Variants in SKOR1 observed in about 807,000 individuals in gnomAD.
SKOR1 encodes the protein SKI family transcriptional corepressor 1.
Under a neutral mutation model 72.4 loss-of-function variants are expected in SKOR1, and 38 were observed. The ratio of observed to expected loss-of-function variants is 0.52; its 90% CI spans 0.40 to 0.69. SKOR1 has a LOEUF of 0.69. Among genes scored for constraint, SKOR1 ranks in the 30% least tolerant of loss-of-function variants. The pLI is 0.00. For synonymous variants in SKOR1, 642 were observed against 599.4 expected (o/e 1.07, Z -1.04); for missense variants, 1,320 against 1,343.2 (o/e 0.98, Z 0.27).
intron 4 of SKOR1, 68 bp downstream of exon 4, chr15:67,830,366 C>G: frequency 1.5e-6 from 2 of 1,367,948 alleles, no homozygotes; most frequent in East Asian, 2.3e-5. Context: ...CGCCCAGGTT[C>G]CCAGAGGCTT....
chr15:67,834,060 C>T lies in SKOR1; in HGVS notation c.*224C>T, dbSNP rs575389323. On this transcript the variant is annotated 3_prime_UTR_variant, in exon 9 of 9. Coordinates refer to ENST00000380035, the MANE Select transcript of SKOR1 (RefSeq NM_001365915.1). The surrounding 1 kb of genome is among the most constrained non-coding windows in gnomAD (Gnocchi z 5.8). ...GTTTCCAAGTGTAAATACCGCCTCG[C>T]GCCTCAAATCCCCCTACCCCGTGTG... 59 of 593,964 alleles carry T rather than the reference C, an allele frequency of 9.9e-5. No individual in the cohort carries two copies. Among genetic ancestry groups the T allele is most frequent in the Non-Finnish European group, 6.1e-6 (2 of 329,330 alleles). 36.8% of individuals were successfully genotyped at this position (593,964 alleles called of 1,614,324 possible). A position where few individuals can be genotyped will look rare whatever the true frequency, so the allele number is the denominator to read the frequency against.
chr15:67,831,813 C>T (rs4776988), intron 5 of SKOR1, among the ~76,000 whole-genome samples: 96,588 of 151,350 alleles, frequency 0.64, 31,481 homozygotes, highest in East Asian at 0.95. Flanking sequence ...CCTGAAATTG[C>T]AGGCAAACTG....
Position 67,825,722 on chromosome 15 carries a change from C to G in SKOR1, c.107+13C>G. 1 of 824,148 alleles carries G rather than the reference C, an allele frequency of 1.2e-6. No homozygotes were observed. The highest frequency in any genetic ancestry group is 2.1e-6 in the Non-Finnish European group (1 of 481,932). The allele number at this position is 824,148 out of a possible 1,614,324, so 51.1% of individuals were successfully genotyped here. Reference sequence around the variant, plus strand: ...GGGCATTCCTGAGGTCTCCTTTACCCCTTCTCCTCCCCCAAGCCCCGGGGG... The same window carrying G: ...GGGCATTCCTGAGGTCTCCTTTACCGCTTCTCCTCCCCCAAGCCCCGGGGG... On this transcript the variant is annotated intron_variant, in intron 1 of 8. Transcript: ENST00000380035. The surrounding 1 kb of genome is among the most constrained non-coding windows in gnomAD (Gnocchi z 5.6).
Position 67,833,689 on chromosome 15 carries a change from G to A in SKOR1, c.2804-53G>A. On this transcript the variant is annotated intron_variant, in intron 8 of 8. Transcript: ENST00000380035. This position sits in a 1 kb window ranked among gnomAD's most constrained non-coding sequence, Gnocchi z 6.0. ...GGGAGGGGAAAGGGTGGACTGCGCG[G>A]TGAGGTGAGCCTGGAGAGGCGCCCA... 1.3e-6 allele frequency: 2 copies of A among 1,567,712 alleles called. No individual in the cohort carries two copies. The highest frequency in any genetic ancestry group is 4.5e-5 in the East Asian group (2 of 44,598).
rs1412360615 is a variant in SKOR1, at chr15:67,834,284, A to G, written c.*448A>G. ...GACAAAGTGGCTATGTGCAATGGATATAAATGTACTGTGAGTCTCTCGGTT... is the reference window on the plus strand; with the variant it reads ...GACAAAGTGGCTATGTGCAATGGATGTAAATGTACTGTGAGTCTCTCGGTT... On this transcript the variant is annotated 3_prime_UTR_variant, in exon 9 of 9. Coordinates refer to ENST00000380035, the MANE Select transcript of SKOR1 (RefSeq NM_001365915.1). The surrounding 1 kb of genome is among the most constrained non-coding windows in gnomAD (Gnocchi z 5.8). 2 of 226,642 alleles carry G rather than the reference A, an allele frequency of 8.8e-6. No homozygotes were observed. The highest frequency in any genetic ancestry group is 4.4e-5 in the African/African-American group (2 of 45,234). The allele number at this position is 226,642 out of a possible 1,614,324, so 14.0% of individuals were successfully genotyped here. A position where few individuals can be genotyped will look rare whatever the true frequency, so the allele number is the denominator to read the frequency against.
intron 4 of SKOR1, among the ~76,000 whole-genome samples, 171 bp from the exon 5 acceptor site, chr15:67,830,647 C>G (rs1258552646): frequency 1.3e-5 from 2 of 152,160 alleles, no homozygotes; most frequent in Non-Finnish European, 2.9e-5. Context: ...CTCCTACTCT[C>G]TACTGTAATG....
At position 67,826,160 on chromosome 15, in the gene SKOR1, A is replaced by G. The variant is rs780072512; in HGVS notation, c.332A>G (p.Tyr111Cys). The G allele has an allele frequency of 1.2e-6, 2 of 1,610,966 alleles. No homozygotes were observed. The highest frequency in any genetic ancestry group is 1.7e-6 in the Non-Finnish European group (2 of 1,177,868). The change falls in exon 2 of 9, where the codon TAC becomes TGC. Residue 111 changes from tyrosine (Y) to cysteine (C), a missense_variant. This residue lies in a region of SKOR1 where 101 missense variants were observed against 212.8 expected (regional missense o/e 0.47). Coordinates refer to ENST00000380035, the MANE Select transcript of SKOR1 (RefSeq NM_001365915.1). ...ATCTCCAACACCCTCCTCAAGAACTACAGCTATAATGAGATCCACAACCGC... is the reference window on the plus strand; with the variant it reads ...ATCTCCAACACCCTCCTCAAGAACTGCAGCTATAATGAGATCCACAACCGC... ...AQISNTLLKN[Y>C]SYNEIHNRRV... is the part of the protein sequence containing the mutation.
rs1178678481 is a variant in SKOR1 at position 67,826,898 on chromosome 15, C to T, written c.1070C>T (p.Pro357Leu). ...GGCCTGGCGACTGGAGCTAGTGGCC[C>T]GGCGGGCCCAGGAGGGCCCGGTGGC... ...GLGLATGASGPAGPGGPGGGA... is the reference protein window; with the variant it reads ...GLGLATGASGLAGPGGPGGGA... The change falls in exon 2 of 9, where the codon CCG (proline) becomes CTG (leucine). Residue 357 changes from proline to leucine, a missense_variant. Transcript: ENST00000380035. 1.3e-6 allele frequency: 2 copies of T among 1,550,968 alleles called. No homozygotes were observed. Among genetic ancestry groups the T allele is most frequent in the Non-Finnish European group, 1.7e-6 (2 of 1,154,588 alleles).
chr15:67,827,436 G>A lies in SKOR1; in HGVS notation c.1608G>A (p.Leu536=). 6.6e-7 allele frequency: 1 copy of A among 1,524,170 alleles called. No homozygotes were observed. The highest frequency in any genetic ancestry group is 1.8e-4 in the Middle Eastern group (1 of 5,644). The allele number at this position is 1,524,170 out of a possible 1,614,324, so 94.4% of individuals were successfully genotyped here. A position where few individuals can be genotyped will look rare whatever the true frequency, so the allele number is the denominator to read the frequency against. ...AAAGSGAPEP[L]DGAEPAKESG... is the part of the protein sequence containing the mutation. Reference sequence around the variant, plus strand: ...CTGGCAGCGGTGCCCCAGAGCCCCTGGACGGTGCCGAGCCAGCCAAAGAGA... The same window carrying A: ...CTGGCAGCGGTGCCCCAGAGCCCCTAGACGGTGCCGAGCCAGCCAAAGAGA... Residue 536 remains leucine, a synonymous_variant, in exon 2 of 9, where the codon CTG becomes CTA. Transcript: ENST00000380035.
chr15:67,829,246 A>G lies in SKOR1; in HGVS notation c.2384A>G (p.Tyr795Cys). 1.9e-6 allele frequency: 3 copies of G among 1,566,350 alleles called. No homozygotes were observed. Among genetic ancestry groups the G allele is most frequent in the South Asian group, 2.3e-5 (2 of 86,646 alleles). ...GTGGCGCTGGGGCCCGCGGCCTCCT[A>G]CGTCTGCACCCCCGAGGCCCACGGT... ...AAVALGPAAS[Y>C]VCTPEAHEPD... is the part of the protein sequence containing the mutation. The change falls in exon 3 of 9, where the codon TAC becomes TGC. Residue 795 changes from tyrosine to cysteine, a missense_variant. By Grantham distance (194) the Tyr-to-Cys change is radical. Transcript: ENST00000380035.
Position 67,832,819 on chromosome 15 carries a change from T to A in SKOR1, c.2737+138T>A. 1.4e-6 allele frequency: 1 copy of A among 718,982 alleles called. No individual in the cohort carries two copies. Among genetic ancestry groups the A allele is most frequent in the Non-Finnish European group, 2.3e-6 (1 of 431,518 alleles). The allele number at this position is 718,982 out of a possible 1,614,324, so 44.5% of individuals were successfully genotyped here. A position where few individuals can be genotyped will look rare whatever the true frequency, so the allele number is the denominator to read the frequency against. ...ATTTTTTTATTTAATATGCTTTGTA[T>A]ACTCTGATTAGCCTCAGAATGGCAA... On this transcript the variant is annotated intron_variant, in intron 7 of 8. Coordinates refer to ENST00000380035, the MANE Select transcript of SKOR1 (RefSeq NM_001365915.1). This position sits in a 1 kb window ranked among gnomAD's most constrained non-coding sequence, Gnocchi z 4.5.
chr15:67,832,230 C>G lies in SKOR1; in HGVS notation c.2588-44C>G, dbSNP rs763052545. ...GGCAGAACCTGAGCTCCAAATAACC[C>G]TGCTTTACCTCCCACTTTACCTCCC... On this transcript the variant is annotated intron_variant, in intron 5 of 8. Coordinates refer to ENST00000380035, the MANE Select transcript of SKOR1 (RefSeq NM_001365915.1). The surrounding 1 kb of genome is among the most constrained non-coding windows in gnomAD (Gnocchi z 4.5). 1 of 1,593,074 alleles carries G rather than the reference C, an allele frequency of 6.3e-7. No individual in the cohort carries two copies.
At position 67,827,324 on chromosome 15, in the gene SKOR1, C is replaced by T; in HGVS notation, c.1496C>T (p.Pro499Leu). 6 of 1,590,632 alleles carry T rather than the reference C, an allele frequency of 3.8e-6. No homozygotes were observed. Among genetic ancestry groups the T allele is most frequent in the Non-Finnish European group, 5.1e-6 (6 of 1,176,240 alleles). ...TTCTGGCCAGCAGCAGGCAGCCTCCCGGTACCGTCCTACCCCGCTGCTCAG... is the reference window on the plus strand; with the variant it reads ...TTCTGGCCAGCAGCAGGCAGCCTCCTGGTACCGTCCTACCCCGCTGCTCAG... ...PMFWPAAGSL[P>L]VPSYPAAQSQ... Residue 499 changes from proline (P) to leucine (L), a missense_variant, in exon 2 of 9, where the codon CCG (proline) becomes CTG (leucine). Physicochemically the swap from Pro to Leu is moderately conservative, Grantham distance 98. Around this residue, in one of 3 missense-constraint regions of SKOR1, gnomAD observed 1,099 missense variants for 1,025.5 expected, o/e 1.07. Transcript: ENST00000380035.
chr15:67,826,250 C>T lies in SKOR1; in HGVS notation c.422C>T (p.Ala141Val). The change falls in exon 2 of 9, where the codon GCC becomes GTC. Residue 141 changes from alanine to valine, a missense_variant. By Grantham distance (64) the Ala-to-Val change is moderately conservative. Transcript: ENST00000380035. The stretch of plus-strand genomic sequence containing the variant: ...GTACAGCTGGAGATTCTGCGTCGGG[C>T]CGGGGCCATGCCCATCTCGTCGCGC... ...TPVQLEILRRAGAMPISSRRC... is the reference protein window; with the variant it reads ...TPVQLEILRRVGAMPISSRRC... 6.2e-7 allele frequency: 1 copy of T among 1,613,024 alleles called. No individual in the cohort carries two copies. Among genetic ancestry groups the T allele is most frequent in the East Asian group, 2.2e-5 (1 of 44,880 alleles).
chr15:67,832,431 C>T lies in SKOR1; in HGVS notation c.2662+83C>T. On this transcript the variant is annotated intron_variant, in intron 6 of 8. Coordinates refer to ENST00000380035, the MANE Select transcript of SKOR1 (RefSeq NM_001365915.1). This position sits in a 1 kb window ranked among gnomAD's most constrained non-coding sequence, Gnocchi z 4.5. ...CCCGACCTACTCCGAAAGCCGGGTGCCAGGCAACTGGTACTAGGTGCCCTG... is the reference window on the plus strand; with the variant it reads ...CCCGACCTACTCCGAAAGCCGGGTGTCAGGCAACTGGTACTAGGTGCCCTG... The T allele has an allele frequency of 6.7e-7, 1 of 1,481,688 alleles. No individual in the cohort carries two copies. The highest frequency in any genetic ancestry group is 9.4e-7 in the Non-Finnish European group (1 of 1,065,162). 91.8% of individuals were successfully genotyped at this position (1,481,688 alleles called of 1,614,324 possible).
In SKOR1 at chr15:67,825,645, T is replaced by A. The variant is rs1402838897; in HGVS notation, c.43T>A (p.Trp15Arg). The A allele has an allele frequency of 9.7e-6, 7 of 720,094 alleles. No homozygotes were observed. The highest frequency in any genetic ancestry group is 1.8e-5 in the Non-Finnish European group (7 of 386,576). 44.6% of individuals were successfully genotyped at this position (720,094 alleles called of 1,614,324 possible). A position where few individuals can be genotyped will look rare whatever the true frequency, so the allele number is the denominator to read the frequency against. The stretch of plus-strand genomic sequence containing the variant: ...CCTTGGGCAAGTCACTCTGCGTATC[T>A]GGGTTTCACTTCCTTCCCAATCCGA... ...CGLGQVTLRIWVSLPSQSENG... is the reference protein window; with the variant it reads ...CGLGQVTLRIRVSLPSQSENG... Residue 15 changes from tryptophan to arginine, a missense_variant, in exon 1 of 9, where the codon TGG (tryptophan) becomes AGG (arginine). By Grantham distance (101) the Trp-to-Arg change is moderately radical. This residue lies in a region of SKOR1 where 120 missense variants were observed against 104.9 expected (regional missense o/e 1.14). Transcript: ENST00000380035. The surrounding 1 kb of genome is among the most constrained non-coding windows in gnomAD (Gnocchi z 5.6).
In SKOR1 at chr15:67,827,831, TC is replaced by T; in HGVS notation, c.2007del (p.Asp670ThrfsTer96). On this transcript the variant is annotated frameshift_variant, in exon 2 of 9. Coordinates refer to ENST00000380035, the MANE Select transcript of SKOR1 (RefSeq NM_001365915.1). LOFTEE classifies it high-confidence loss of function. ...EPEVDVESNR[F>X]PDDEDAQEET... ...GAGGTGGACGTGGAATCCAACCGCT[TC>T]CCCGACGACGAGGACGCCCAAGAGG... The T allele has an allele frequency of 1.3e-6, 2 of 1,593,524 alleles. No individual in the cohort carries two copies. The highest frequency in any genetic ancestry group is 1.1e-5 in the South Asian group (1 of 88,194).
In SKOR1 at chr15:67,827,504, G is replaced by A. The variant is rs942016553; in HGVS notation, c.1676G>A (p.Arg559His). 55 of 1,522,836 alleles carry A rather than the reference G, an allele frequency of 3.6e-5. No homozygotes were observed. Among genetic ancestry groups the A allele is most frequent in the Non-Finnish European group, 4.4e-5 (50 of 1,142,360 alleles). The allele number at this position is 1,522,836 out of a possible 1,614,324, so 94.3% of individuals were successfully genotyped here. The change falls in exon 2 of 9, where the codon CGC (arginine) becomes CAC (histidine). Residue 559 changes from arginine to histidine, a missense_variant. By Grantham distance (29) the Arg-to-His change is conservative. Coordinates refer to ENST00000380035, the MANE Select transcript of SKOR1 (RefSeq NM_001365915.1). Reference protein sequence around the residue: ...AEERCPSALSRGPLDEDGTDE... With the variant: ...AEERCPSALSHGPLDEDGTDE... ...GAGCGCTGCCCGAGCGCTCTGTCCC[G>A]CGGGCCCCTGGACGAAGACGGCACG...
Position 67,825,637 on chromosome 15 carries a change from T to A in SKOR1, c.35T>A (p.Leu12Gln), listed in dbSNP as rs1452973884. 5 of 719,846 alleles carry A rather than the reference T, an allele frequency of 6.9e-6. No individual in the cohort carries two copies. The Admixed American group carries it at 1.0e-4, about 14-fold the overall frequency. The allele number at this position is 719,846 out of a possible 1,614,324, so 44.6% of individuals were successfully genotyped here. A position where few individuals can be genotyped will look rare whatever the true frequency, so the allele number is the denominator to read the frequency against. ...ALLCGLGQVT[L>Q]RIWVSLPSQS... ...CTGTGTGGCCTTGGGCAAGTCACTCTGCGTATCTGGGTTTCACTTCCTTCC... is the reference window on the plus strand; with the variant it reads ...CTGTGTGGCCTTGGGCAAGTCACTCAGCGTATCTGGGTTTCACTTCCTTCC... The change falls in exon 1 of 9, where the codon CTG (leucine) becomes CAG (glutamine). Residue 12 changes from leucine to glutamine, a missense_variant. Coordinates refer to ENST00000380035, the MANE Select transcript of SKOR1 (RefSeq NM_001365915.1). This position sits in a 1 kb window ranked among gnomAD's most constrained non-coding sequence, Gnocchi z 5.6.
Sources: allele counts gnomAD v4.1 joint callset (sites outside exome capture counted in the v4.1 genomes callset), GRCh38; gene constraint gnomAD v4.1.1; regional missense constraint gnomAD v4.1.1; non-coding constraint Gnocchi (gnomAD v3.1); transcripts MANE v1.5; gene names NCBI Gene and HGNC (gene_info 2026-07-23, HGNC 2026-07-21).